The following ZNF740 variants were observed in gnomAD, a reference collection of about 807,000 sequenced individuals.
ZNF740 encodes oriLyt TD-element-binding protein 7.
ZNF740 carries 14 observed loss-of-function variants against 24.8 expected under a neutral mutation model. The ratio of observed to expected loss-of-function variants is 0.56; its 90% CI spans 0.37 to 0.88. ZNF740 has a LOEUF of 0.88. Among genes scored for constraint, ZNF740 ranks in the 40% least tolerant of loss-of-function variants. The pLI, the probability that ZNF740 is intolerant of heterozygous loss-of-function variation, is 0.00. For missense variants in ZNF740, 201 were observed against 247.9 expected, an observed-to-expected ratio of 0.81 and a Z score of 1.27; for synonymous variants, 69 against 84.0, an observed-to-expected ratio of 0.82 and a Z score of 0.98.
In ZNF740 at chr12:53,192,134, C is replaced by G. The variant is rs6580934; in HGVS notation, c.*4544C>G. The G allele has an allele frequency of 5.5e-3, 7,498 of 1,358,654 alleles. 325 individuals carry two copies. In the African/African-American group the frequency reaches 0.095, roughly 17 times the overall value. 84.2% of individuals were successfully genotyped at this position (1,358,654 alleles called of 1,614,324 possible). On this transcript the variant is annotated 3_prime_UTR_variant, in exon 7 of 7. Coordinates refer to ENST00000416904, the MANE Select transcript of ZNF740 (RefSeq NM_001004304.4). ...TGTCTGTCACTGAAAGCAAAGGGAA[C>G]CCAGGGAGGTCCAAGGTTATCCTCA...
chr12:53,181,896 G>A lies in ZNF740; in HGVS notation c.-88G>A. On this transcript the variant is annotated 5_prime_UTR_variant, in exon 2 of 7. It adds an upstream start codon to the 5' untranslated region. Coordinates refer to ENST00000416904, the MANE Select transcript of ZNF740 (RefSeq NM_001004304.4). ...ACGAAGGAGTCGCTACCGTGATTTG[G>A]TGACAGTTCTTCAAAACGACAGTGT... 6.5e-7 allele frequency: 1 copy of A among 1,536,852 alleles called. No homozygotes were observed.
Position 53,184,917 on chromosome 12 carries a change from A to C in ZNF740, c.36A>C (p.Leu12=). ...CAAGTCTCCTGGCTTGTGAAGGCCTAGCAGGTGTGAGTTTGGTTCCCACTG... is the reference window on the plus strand; with the variant it reads ...CAAGTCTCCTGGCTTGTGAAGGCCTCGCAGGTGTGAGTTTGGTTCCCACTG... The part of the protein sequence containing the change: ...AQASLLACEG[L]AGVSLVPTAA... Residue 12 remains leucine (L), a synonymous_variant, in exon 3 of 7, where the codon CTA becomes CTC. Transcript: ENST00000416904. 6.2e-7 allele frequency: 1 copy of C among 1,613,732 alleles called. No individual in the cohort carries two copies. The highest frequency in any genetic ancestry group is 8.5e-7 in the Non-Finnish European group (1 of 1,179,766).
At chr12:53,184,330 A>T (rs11170463) in intron 2 of ZNF740, among the ~76,000 whole-genome samples, 3 of 151,860 alleles carry the variant, frequency 2.0e-5, no homozygotes, top group Non-Finnish European at 2.9e-5. Flanking sequence ...CTGGGACCGC[A>T]GGTGTGTGCC....
rs377127380 is a variant in ZNF740, at chr12:53,184,150, T to TGCGCGCGCGC, written c.10-738_10-729dup. 7.3e-4 allele frequency among the ~76,000 whole-genome samples: 76 copies of TGCGCGCGCGC among 104,426 alleles called. No individual in the cohort carries two copies. In the Middle Eastern group the frequency reaches 0.015, roughly 20 times the overall value. The allele number at this position is 104,426 out of a possible 152,430, so 68.5% of individuals were successfully genotyped here. The stretch of plus-strand genomic sequence containing the variant: ...GTGTGTGTGTGTGTGTGTGTGTGTG[T>TGCGCGCGCGC]GCGCGCGCGCGCTCTGAAGCTAAGG... On this transcript the variant is annotated intron_variant, in intron 2 of 6. Coordinates refer to ENST00000416904, the MANE Select transcript of ZNF740 (RefSeq NM_001004304.4).
chr12:53,187,827 T>C lies in ZNF740; in HGVS notation c.*237T>C. Reference sequence around the variant, plus strand: ...TTACAGCATTCCTGGGTAGGGGAGCTAGTCCCTGGACCCTTGGCTGAGGTC... The same window carrying C: ...TTACAGCATTCCTGGGTAGGGGAGCCAGTCCCTGGACCCTTGGCTGAGGTC... On this transcript the variant is annotated 3_prime_UTR_variant, in exon 7 of 7. Coordinates refer to ENST00000416904, the MANE Select transcript of ZNF740 (RefSeq NM_001004304.4). 2 of 515,462 alleles carry C rather than the reference T, an allele frequency of 3.9e-6. No individual in the cohort carries two copies. Among genetic ancestry groups the C allele is most frequent in the Non-Finnish European group, 7.1e-6 (2 of 283,486 alleles). 31.9% of individuals were successfully genotyped at this position (515,462 alleles called of 1,614,324 possible).
At position 53,192,751 on chromosome 12, in the gene ZNF740, C is replaced by T; in HGVS notation, c.*5161C>T. On this transcript the variant is annotated 3_prime_UTR_variant, in exon 7 of 7. Transcript: ENST00000416904. Reference sequence around the variant, plus strand: ...TTGGTCGCATAGAGCACCATAGTAGCCGTCCAAGCACTGGCAGCGGTTGCA... The same window carrying T: ...TTGGTCGCATAGAGCACCATAGTAGTCGTCCAAGCACTGGCAGCGGTTGCA... The T allele has an allele frequency of 3.7e-6, 6 of 1,614,232 alleles. No homozygotes were observed. Among genetic ancestry groups the T allele is most frequent in the Middle Eastern group, 3.3e-4 (2 of 6,060 alleles).
Position 53,188,801 on chromosome 12 carries a change from C to A in ZNF740, c.*1211C>A, listed in dbSNP as rs1162398144. 6.6e-6 allele frequency: 1 copy of A among 152,140 alleles called. No individual in the cohort carries two copies. The highest frequency in any genetic ancestry group is 1.5e-5 in the Non-Finnish European group (1 of 68,020). The allele number at this position is 152,140 out of a possible 1,614,324, so 9.4% of individuals were successfully genotyped here. A position where few individuals can be genotyped will look rare whatever the true frequency, so the allele number is the denominator to read the frequency against. On this transcript the variant is annotated 3_prime_UTR_variant, in exon 7 of 7. Coordinates refer to ENST00000416904, the MANE Select transcript of ZNF740 (RefSeq NM_001004304.4). ...TGCAGAGAAAAGACTAAAGAAGAAA[C>A]CTAATGTAGGTTCCATTCTTAACCA...
In ZNF740 at chr12:53,181,662, C is replaced by T; in HGVS notation, c.-307-15C>T. 1 of 429,610 alleles carries T rather than the reference C, an allele frequency of 2.3e-6. No homozygotes were observed. The highest frequency in any genetic ancestry group is 3.6e-6 in the Non-Finnish European group (1 of 274,242). The allele number at this position is 429,610 out of a possible 1,614,324, so 26.6% of individuals were successfully genotyped here. A position where few individuals can be genotyped will look rare whatever the true frequency, so the allele number is the denominator to read the frequency against. On this transcript the variant is annotated splice_polypyrimidine_tract_variant and intron_variant, in intron 1 of 6. Transcript: ENST00000416904. ...TGTTGCATTTAGCAGCCCCCCTCTT[C>T]CTTTCTGGTTTCAGGTTTCTGAAAC...
At chr12:53,186,561 A>G (rs1021153779) in intron 6 of ZNF740, 52 bp downstream of exon 6, 1 of 1,430,238 alleles carries the variant, frequency 7.0e-7, no homozygotes, top group African/African-American at 1.4e-5. Context: ...CTTCCCCAAG[A>G]ATCAGGGCCA....
At chr12:53,187,278 G>C (rs1420619836) in intron 6 of ZNF740, among the ~76,000 whole-genome samples, 1 of 152,152 alleles carries the variant, frequency 6.6e-6, no homozygotes, top group Non-Finnish European at 1.5e-5. Flanking sequence ...GGGCTGTTAG[G>C]TAACTTGCCC....
intron 1 of ZNF740, chr12:53,181,442 T>G: frequency 1.0e-6 from 1 of 985,410 alleles, no homozygotes; most frequent in Non-Finnish European, 1.2e-6. Context: ...CAAGCAACTT[T>G]CCTTTTGGCA....
Position 53,192,556 on chromosome 12 carries a change from A to G in ZNF740, c.*4966A>G, listed in dbSNP as rs746658826. On this transcript the variant is annotated 3_prime_UTR_variant, in exon 7 of 7. Coordinates refer to ENST00000416904, the MANE Select transcript of ZNF740 (RefSeq NM_001004304.4). ...CACAGTCCCTGTGTAGTAGATGCCAATAGGTTACCAGCTGGGCAGTTGTCA... is the reference window on the plus strand; with the variant it reads ...CACAGTCCCTGTGTAGTAGATGCCAGTAGGTTACCAGCTGGGCAGTTGTCA... 8 of 1,612,188 alleles carry G rather than the reference A, an allele frequency of 5.0e-6. No individual in the cohort carries two copies. The highest frequency in any genetic ancestry group is 1.7e-4 in the Middle Eastern group (1 of 5,944).
rs1014557459 is a variant in ZNF740, at chr12:53,180,824, G to C, written c.-321G>C. 7 of 1,271,242 alleles carry C rather than the reference G, an allele frequency of 5.5e-6. No homozygotes were observed. In the Admixed American group the frequency reaches 1.7e-4, roughly 30 times the overall value. The allele number at this position is 1,271,242 out of a possible 1,614,324, so 78.7% of individuals were successfully genotyped here. A position where few individuals can be genotyped will look rare whatever the true frequency, so the allele number is the denominator to read the frequency against. On this transcript the variant is annotated 5_prime_UTR_variant, in exon 1 of 7. Transcript: ENST00000416904. ...CGCGCGGCCAGGGAGCCAGCGGGAG[G>C]CCGCGCCTGGCAGGTAGGAGCAAGC...
In ZNF740 at chr12:53,187,838, C is replaced by T. The variant is rs2120362952; in HGVS notation, c.*248C>T. 2.0e-6 allele frequency: 1 copy of T among 501,442 alleles called. No homozygotes were observed. The highest frequency in any genetic ancestry group is 3.6e-5 in the East Asian group (1 of 27,796). 31.1% of individuals were successfully genotyped at this position (501,442 alleles called of 1,614,324 possible). On this transcript the variant is annotated 3_prime_UTR_variant, in exon 7 of 7. Transcript: ENST00000416904. ...CTGGGTAGGGGAGCTAGTCCCTGGA[C>T]CCTTGGCTGAGGTCATAGGTGGGGA...
intron 4 of ZNF740, 96 bp from the exon 5 acceptor site, chr12:53,185,858 C>T: frequency 6.7e-7 from 1 of 1,495,180 alleles, no homozygotes; most frequent in Non-Finnish European, 9.0e-7. Context: ...CAGAGAGGTT[C>T]CTTTCTCCAA....
At chr12:53,184,142 T>C (rs1458733761) in intron 2 of ZNF740, among the ~76,000 whole-genome samples, 83 of 104,622 alleles carry the variant, frequency 7.9e-4, no homozygotes, top group African/African-American at 3.1e-3. Flanking sequence ...TGTGTGTGTG[T>C]GTGTGTGTGC....
rs1941976182 is a variant in ZNF740 at position 53,192,108 on chromosome 12, C to G, written c.*4518C>G. On this transcript the variant is annotated 3_prime_UTR_variant, in exon 7 of 7. Coordinates refer to ENST00000416904, the MANE Select transcript of ZNF740 (RefSeq NM_001004304.4). ...CACAGTGTGTCCAGCCTGTCCAACCCTGTCTGTCACTGAAAGCAAAGGGAA... is the reference window on the plus strand; with the variant it reads ...CACAGTGTGTCCAGCCTGTCCAACCGTGTCTGTCACTGAAAGCAAAGGGAA... 2.0e-6 allele frequency: 3 copies of G among 1,468,096 alleles called. No homozygotes were observed. The highest frequency in any genetic ancestry group is 9.2e-7 in the Non-Finnish European group (1 of 1,087,218). The allele number at this position is 1,468,096 out of a possible 1,614,324, so 90.9% of individuals were successfully genotyped here. A position where few individuals can be genotyped will look rare whatever the true frequency, so the allele number is the denominator to read the frequency against.
At position 53,193,910 on chromosome 12, in the gene ZNF740, A is replaced by G; in HGVS notation, c.*6320A>G. On this transcript the variant is annotated 3_prime_UTR_variant, in exon 7 of 7. Coordinates refer to ENST00000416904, the MANE Select transcript of ZNF740 (RefSeq NM_001004304.4). ...GAAACCCAGAAAGTCACCTGAGAAG[A>G]GGCAGGAATCAGGCCATGGTTATAC... The G allele has an allele frequency of 1.2e-6, 2 of 1,609,448 alleles. No homozygotes were observed. Among genetic ancestry groups the G allele is most frequent in the Non-Finnish European group, 1.7e-6 (2 of 1,177,566 alleles).
Position 53,192,739 on chromosome 12 carries a change from G to T in ZNF740, c.*5149G>T. 6.2e-7 allele frequency: 1 copy of T among 1,614,238 alleles called. No individual in the cohort carries two copies. Among genetic ancestry groups the T allele is most frequent in the Non-Finnish European group, 8.5e-7 (1 of 1,180,052 alleles). ...GCAGCCTGGGCATTGGTCGCATAGAGCACCATAGTAGCCGTCCAAGCACTG... is the reference window on the plus strand; with the variant it reads ...GCAGCCTGGGCATTGGTCGCATAGATCACCATAGTAGCCGTCCAAGCACTG... On this transcript the variant is annotated 3_prime_UTR_variant, in exon 7 of 7. Coordinates refer to ENST00000416904, the MANE Select transcript of ZNF740 (RefSeq NM_001004304.4).
Sources: gnomAD v4.1 joint callset for allele counts (sites outside exome capture counted in the v4.1 genomes callset) on GRCh38, gnomAD v4.1.1 for gene constraint, MANE v1.5 for transcripts, NCBI Gene and HGNC (gene_info 2026-07-23, HGNC 2026-07-21) for gene names.